CADM1: variants seen among roughly 807,000 people sequenced by gnomAD.
CADM1 encodes TSLC-1.
A neutral mutation model predicts 53.1 loss-of-function variants in CADM1; 15 were observed. The ratio of observed to expected loss-of-function variants is 0.28; its 90% confidence interval spans 0.19 to 0.44. The LOEUF (loss-of-function observed/expected upper bound fraction) is 0.44, where lower values mean the gene tolerates loss of function less well. Among genes scored for constraint, CADM1 ranks in the 20% least tolerant of loss-of-function variants. The pLI is 1.00. For synonymous variants in CADM1, 281 were observed against 243.0 expected (o/e 1.16, Z -1.45); for missense variants, 434 against 611.3 (o/e 0.71, Z 3.06).
chr11:115,177,982 A>G (rs1011851638), intron 11 of CADM1, among the ~76,000 whole-genome samples: 2 of 152,146 alleles, frequency 1.3e-5, no homozygotes, highest in Admixed American at 6.5e-5. Context: ...AGAATAAATT[A>G]CCAAGAGGGA....
chr11:115,406,371 A>T (rs893166055), intron 1 of CADM1, among the ~76,000 whole-genome samples: 8 of 151,814 alleles, frequency 5.3e-5, no homozygotes, highest in Non-Finnish European at 1.0e-4. Context: ...CAAAACAATT[A>T]AAAAAAATCC....
At chr11:115,386,118 A>G (rs986092979) in intron 1 of CADM1, among the ~76,000 whole-genome samples, 10 of 152,150 alleles carry the variant, frequency 6.6e-5, no homozygotes, top group Non-Finnish European at 1.3e-4. Flanking sequence ...TTTCACCTTA[A>G]CCTGTCTGGC....
chr11:115,418,547 A>T (rs2135264188), intron 1 of CADM1, among the ~76,000 whole-genome samples: 1 of 152,320 alleles, frequency 6.6e-6, no homozygotes, highest in East Asian at 1.9e-4. Context: ...TTCACATTAT[A>T]TATTTAAAAA....
At chr11:115,354,172 C>T (rs181381675) in intron 1 of CADM1, among the ~76,000 whole-genome samples, 90 of 152,192 alleles carry the variant, frequency 5.9e-4, no homozygotes, top group Middle Eastern at 3.4e-3. Flanking sequence ...AGAAGGTGAA[C>T]TGATTAAAAG....
At chr11:115,308,264 C>T (rs1311227992) in intron 1 of CADM1, among the ~76,000 whole-genome samples, 2 of 149,304 alleles carry the variant, frequency 1.3e-5, no homozygotes, top group Admixed American at 6.7e-5. Flanking sequence ...TCCAACATCA[C>T]AACAGAATAT....
At chr11:115,221,216 A>G (rs1245303657) in intron 5 of CADM1, among the ~76,000 whole-genome samples, 4 of 152,214 alleles carry the variant, frequency 2.6e-5, no homozygotes, top group Non-Finnish European at 4.4e-5. Flanking sequence ...TAAGAAAAAT[A>G]GTTAGGTCTG....
intron 1 of CADM1, among the ~76,000 whole-genome samples, chr11:115,275,658 G>A (rs143073242): frequency 6.7e-4 from 102 of 152,218 alleles, no homozygotes; most frequent in African/African-American, 2.4e-3. Flanking sequence ...AAATAAAGGT[G>A]TTTTTAAGAG....
intron 10 of CADM1, 100 bp downstream of exon 10, chr11:115,190,788 C>T: frequency 1.0e-6 from 1 of 971,748 alleles, no homozygotes; most frequent in Non-Finnish European, 1.5e-6. Flanking sequence ...TCTCAAAATC[C>T]ACACTGATTG....
intron 1 of CADM1, among the ~76,000 whole-genome samples, chr11:115,386,423 A>G (rs1264988355): frequency 6.6e-6 from 1 of 152,220 alleles, no homozygotes; most frequent in Non-Finnish European, 1.5e-5. Flanking sequence ...ACAGAATACC[A>G]GAAACTGGGT....
chr11:115,213,303 C>G (rs566113956), intron 7 of CADM1, among the ~76,000 whole-genome samples: 5 of 152,344 alleles, frequency 3.3e-5, no homozygotes, highest in South Asian at 2.1e-4. Context: ...TGTCCCCTCT[C>G]ACCTATGTAG....
intron 5 of CADM1, 30 bp downstream of exon 5, chr11:115,229,082 CG>C: frequency 5.6e-6 from 9 of 1,611,148 alleles, no homozygotes; most frequent in Non-Finnish European, 7.6e-6. Context: ...TGCAACTCTA[CG>C]CCCTCAGAAT....
intron 1 of CADM1, among the ~76,000 whole-genome samples, chr11:115,428,580 AAT>A (rs1286722847): frequency 2.0e-5 from 3 of 152,150 alleles, no homozygotes; most frequent in Admixed American, 2.0e-4. Context: ...TCCCCAAATC[AAT>A]ATGTTGTGTG....
intron 1 of CADM1, among the ~76,000 whole-genome samples, chr11:115,257,315 A>G (rs143905187): frequency 2.3e-3 from 343 of 152,330 alleles, no homozygotes; most frequent in Middle Eastern, 6.8e-3. Flanking sequence ...ATGATTAAAA[A>G]TACTGTGAGT....
intron 8 of CADM1, among the ~76,000 whole-genome samples, chr11:115,209,004 G>A (rs1940825559): frequency 6.6e-6 from 1 of 152,182 alleles, no homozygotes; most frequent in South Asian, 2.1e-4. Context: ...GGCAGGGAGG[G>A]GCACATGAGT....
intron 1 of CADM1, among the ~76,000 whole-genome samples, chr11:115,379,711 G>A (rs1364129630): frequency 1.3e-5 from 2 of 152,074 alleles, no homozygotes; most frequent in Admixed American, 6.6e-5. Flanking sequence ...GGAACTACGT[G>A]GTCATGCTTC....
intron 5 of CADM1, chr11:115,218,199 A>C (rs2134779074): frequency 1.8e-6 from 1 of 562,096 alleles, no homozygotes; most frequent in South Asian, 1.9e-5. Context: ...CAAATAGATA[A>C]GAGATTCATA....
chr11:115,485,832 G>T (rs1027436613), intron 1 of CADM1, among the ~76,000 whole-genome samples: 85 of 152,182 alleles, frequency 5.6e-4, no homozygotes, highest in African/African-American at 1.9e-3. Flanking sequence ...ATCTGTATCT[G>T]CAGCGCTGCT....
intron 1 of CADM1, among the ~76,000 whole-genome samples, chr11:115,318,829 TA>T (rs1399987109): frequency 3.3e-5 from 5 of 152,160 alleles, no homozygotes; most frequent in Admixed American, 1.3e-4. Context: ...GGTGGTGAGC[TA>T]GGTAATGCAG....
At chr11:115,242,020 T>C (rs893868683) in intron 1 of CADM1, among the ~76,000 whole-genome samples, 2 of 146,876 alleles carry the variant, frequency 1.4e-5, no homozygotes, top group East Asian at 2.0e-4. Flanking sequence ...GTGAGAGGGG[T>C]GGCTAAGATG....
Sources: allele counts gnomAD v4.1 joint callset (sites outside exome capture counted in the v4.1 genomes callset), GRCh38; gene constraint gnomAD v4.1.1; transcripts MANE v1.5; gene names NCBI Gene and HGNC (gene_info 2026-07-23, HGNC 2026-07-21).